CREB5: variants seen among roughly 807,000 people sequenced by gnomAD.
CREB5 encodes cyclic AMP-responsive element-binding protein 5.
CREB5 carries 19 observed loss-of-function variants against 57.1 expected under a neutral mutation model. That is an observed-to-expected ratio of 0.33 (90% confidence interval 0.23 to 0.49). The LOEUF is 0.49. CREB5 is among the 20% of genes least tolerant of loss of function. CREB5 has a pLI of 0.99. For missense variants in CREB5, 579 were observed against 671.6 expected (o/e 0.86, Z 1.52); for synonymous variants, 238 against 238.3 (o/e 1.00, Z 0.01).
intron 7 of CREB5, among the ~76,000 whole-genome samples, chr7:28,737,549 A>G (rs1282160555): frequency 9.5e-4 from 16 of 16,776 alleles, no homozygotes; most frequent in Middle Eastern, 0.033. Context: ...GTATATATAT[A>G]TATATATATA....
intron 5 of CREB5, among the ~76,000 whole-genome samples, chr7:28,707,606 G>T (rs1802183163): frequency 6.6e-6 from 1 of 152,170 alleles, no homozygotes; most frequent in South Asian, 2.1e-4. Flanking sequence ...GACTCCGAGA[G>T]GTTTGCCAGT....
chr7:28,573,756 C>T (rs976013506), intron 5 of CREB5, among the ~76,000 whole-genome samples: 1 of 152,130 alleles, frequency 6.6e-6, no homozygotes, highest in African/African-American at 2.4e-5. Flanking sequence ...ACTTTGGGGA[C>T]AAAGGGTAGG....
intron 5 of CREB5, among the ~76,000 whole-genome samples, chr7:28,653,667 C>T (rs1009114982): frequency 3.9e-5 from 6 of 152,210 alleles, no homozygotes; most frequent in Non-Finnish European, 8.8e-5. Context: ...AAATTAAAGT[C>T]CAAAATCTAC....
At chr7:28,514,978 G>A (rs1583563274) in intron 4 of CREB5, among the ~76,000 whole-genome samples, 1 of 138,348 alleles carries the variant, frequency 7.2e-6, no homozygotes, top group Non-Finnish European at 1.6e-5. Flanking sequence ...AAAGACTATT[G>A]TGTTGGAAAT....
At chr7:28,586,192 A>G (rs112571844) in intron 5 of CREB5, among the ~76,000 whole-genome samples, 1 of 152,118 alleles carries the variant, frequency 6.6e-6, no homozygotes, top group African/African-American at 2.4e-5. Context: ...TGTGGTCCTC[A>G]CTGTCACGGG....
intron 7 of CREB5, among the ~76,000 whole-genome samples, chr7:28,778,042 C>A (rs1806761683): frequency 6.6e-6 from 1 of 152,152 alleles, no homozygotes; most frequent in South Asian, 2.1e-4. Context: ...ATTTATTGAT[C>A]TTTTCCATAT....
chr7:28,400,711 C>T (rs928095701), intron 1 of CREB5, among the ~76,000 whole-genome samples: 4 of 152,078 alleles, frequency 2.6e-5, no homozygotes, highest in Non-Finnish European at 5.9e-5. Context: ...GAGGAGGAAT[C>T]GCTGATCAAT....
chr7:28,496,553 G>C (rs1225572241), intron 3 of CREB5, among the ~76,000 whole-genome samples: 1 of 152,140 alleles, frequency 6.6e-6, no homozygotes, highest in Non-Finnish European at 1.5e-5. Flanking sequence ...ACAGGGAAAA[G>C]ATGAGGGCCC....
chr7:28,345,320 C>A (rs983047206), intron 1 of CREB5, among the ~76,000 whole-genome samples: 1 of 149,298 alleles, frequency 6.7e-6, no homozygotes, highest in Non-Finnish European at 1.5e-5. Context: ...ACAACTAACA[C>A]AAAACATGTC....
intron 8 of CREB5, among the ~76,000 whole-genome samples, chr7:28,805,005 A>G (rs903896699): frequency 1.3e-5 from 2 of 152,248 alleles, no homozygotes; most frequent in East Asian, 3.8e-4. Flanking sequence ...GTAACAGTGA[A>G]TGTTAAAAAT....
At chr7:28,342,704 T>G (rs1785961290) in intron 1 of CREB5, among the ~76,000 whole-genome samples, 1 of 152,228 alleles carries the variant, frequency 6.6e-6, no homozygotes, top group Non-Finnish European at 1.5e-5. Flanking sequence ...TGGGCCTGTG[T>G]GGCCTTGAAA....
intron 7 of CREB5, among the ~76,000 whole-genome samples, chr7:28,747,157 A>C (rs1400757836): frequency 1.3e-5 from 2 of 151,868 alleles, no homozygotes; most frequent in Non-Finnish European, 2.9e-5. Context: ...GAGGGTTGCC[A>C]GTGTGTATGA....
At chr7:28,557,956 C>T (rs1243131606) in intron 4 of CREB5, among the ~76,000 whole-genome samples, 1 of 152,128 alleles carries the variant, frequency 6.6e-6, no homozygotes, top group African/African-American at 2.4e-5. Flanking sequence ...CCCTAAGGAT[C>T]CAGAGAACCC....
chr7:28,509,675 G>A (rs1792620652), intron 4 of CREB5, among the ~76,000 whole-genome samples: 1 of 152,152 alleles, frequency 6.6e-6, no homozygotes. Flanking sequence ...TTGAAAAAGA[G>A]TATAGATAAT....
At chr7:28,740,132 T>C (rs1804251561) in intron 7 of CREB5, among the ~76,000 whole-genome samples, 1 of 152,148 alleles carries the variant, frequency 6.6e-6, no homozygotes, top group Non-Finnish European at 1.5e-5. Flanking sequence ...ACTGGAGACA[T>C]GTGAAAGCAG....
At chr7:28,333,699 A>T (rs1432046674) in intron 1 of CREB5, among the ~76,000 whole-genome samples, 1 of 152,140 alleles carries the variant, frequency 6.6e-6, no homozygotes, top group East Asian at 1.9e-4. Flanking sequence ...CTCAAGTTCC[A>T]TCTATGTTGT....
At chr7:28,791,616 G>C (rs1265271515) in intron 7 of CREB5, among the ~76,000 whole-genome samples, 1 of 152,138 alleles carries the variant, frequency 6.6e-6, no homozygotes, top group Non-Finnish European at 1.5e-5. Context: ...TACTGATTTA[G>C]GGCAAGCTAC....
intron 9 of CREB5, 66 bp downstream of exon 9, chr7:28,809,480 G>T: frequency 6.9e-7 from 1 of 1,439,846 alleles, no homozygotes; most frequent in South Asian, 1.3e-5. Context: ...TTCCGGCCCT[G>T]ACAGGCACTT....
chr7:28,583,636 A>G (rs1454963152), intron 5 of CREB5, among the ~76,000 whole-genome samples: 1 of 152,198 alleles, frequency 6.6e-6, no homozygotes, highest in East Asian at 1.9e-4. Context: ...GGCAGCATTC[A>G]TGGGCAGAGC....
Sources: gnomAD v4.1 joint callset for allele counts (sites outside exome capture counted in the v4.1 genomes callset) on GRCh38, gnomAD v4.1.1 for gene constraint, MANE v1.5 for transcripts, NCBI Gene and HGNC (gene_info 2026-07-23, HGNC 2026-07-21) for gene names.